NLGN1: variants seen among roughly 807,000 people sequenced by gnomAD.
NLGN1 encodes neuroligin-1.
NLGN1 carries 12 observed loss-of-function variants against 65.5 expected under a neutral mutation model. The ratio of observed to expected loss-of-function variants is 0.18; its 90% CI spans 0.12 to 0.30. The LOEUF is 0.30. Among genes scored for constraint, NLGN1 ranks in the 10% least tolerant of loss-of-function variants. The pLI, the probability that NLGN1 is intolerant of heterozygous loss-of-function variation, is 1.00. For synonymous variants in NLGN1, 350 were observed against 359.5 expected, an observed-to-expected ratio of 0.97 and a Z score of 0.30; for missense variants, 750 against 1,007.1, an observed-to-expected ratio of 0.74 and a Z score of 3.46.
chr3:173,497,682 A>G (rs1200749847), intron 2 of NLGN1, among the ~76,000 whole-genome samples: 1 of 151,834 alleles, frequency 6.6e-6, no homozygotes, highest in African/African-American at 2.4e-5. Flanking sequence ...TTAACTAGTC[A>G]AAACTTCTGA....
chr3:173,545,746 G>A lies in NLGN1; in HGVS notation c.-320-58533G>A, dbSNP rs536174099. Among the ~76,000 whole-genome samples the A allele has an allele frequency of 1.9e-3, 285 of 152,180 alleles. 1 individual carries two copies. The highest frequency in any genetic ancestry group is 2.9e-3 in the Non-Finnish European group (195 of 67,994). The stretch of plus-strand genomic sequence containing the variant: ...AAAGAAAATGTGGCACATATACACC[G>A]TGGAATACTATGCAACCATAAAAAA... On this transcript the variant is annotated intron_variant, in intron 2 of 6. Transcript: ENST00000457714.
At chr3:174,061,694 C>A (rs1358401324) in intron 4 of NLGN1, among the ~76,000 whole-genome samples, 1 of 152,090 alleles carries the variant, frequency 6.6e-6, no homozygotes, top group Non-Finnish European at 1.5e-5. Context: ...ATAAAAATAA[C>A]ATCAAAATAG....
intron 2 of NLGN1, among the ~76,000 whole-genome samples, chr3:173,525,953 G>A (rs775758951): frequency 1.3e-5 from 2 of 151,960 alleles, no homozygotes. Flanking sequence ...TTCCACCATG[G>A]TCCAAGAAAA....
chr3:173,424,420 C>T (rs1338917700), intron 1 of NLGN1, among the ~76,000 whole-genome samples: 2 of 152,298 alleles, frequency 1.3e-5, no homozygotes, highest in Middle Eastern at 3.4e-3. Context: ...CATGGTCAGG[C>T]TGCAAATTTT....
intron 4 of NLGN1, among the ~76,000 whole-genome samples, chr3:173,844,298 T>A (rs1725338594): frequency 6.6e-6 from 1 of 152,142 alleles, no homozygotes; most frequent in African/African-American, 2.4e-5. Flanking sequence ...TCAAGAAGTT[T>A]GGTAGTAGAG....
intron 2 of NLGN1, among the ~76,000 whole-genome samples, chr3:173,547,082 C>T (rs1016516206): frequency 2.0e-5 from 3 of 152,216 alleles, no homozygotes; most frequent in Non-Finnish European, 4.4e-5. Context: ...TCCACTTTGG[C>T]ATACTTGTTA....
intron 1 of NLGN1, among the ~76,000 whole-genome samples, chr3:173,399,127 T>A (rs866169236): frequency 9.2e-5 from 14 of 152,364 alleles, no homozygotes; most frequent in African/African-American, 3.4e-4. Flanking sequence ...TGGCAGAGAA[T>A]GAATCTAAGT....
At chr3:174,186,012 G>A (rs1036283767) in intron 4 of NLGN1, among the ~76,000 whole-genome samples, 1 of 151,852 alleles carries the variant, frequency 6.6e-6, no homozygotes, top group African/African-American at 2.4e-5. Flanking sequence ...ACCACAATAG[G>A]TACCCAATAA....
chr3:173,901,839 G>A (rs894767365), intron 4 of NLGN1, among the ~76,000 whole-genome samples: 6 of 151,972 alleles, frequency 3.9e-5, no homozygotes, highest in South Asian at 2.1e-4. Flanking sequence ...TTGAAAGGAC[G>A]TACTGCAGTT....
At chr3:173,732,281 G>T (rs941227402) in intron 3 of NLGN1, among the ~76,000 whole-genome samples, 2 of 152,092 alleles carry the variant, frequency 1.3e-5, no homozygotes, top group East Asian at 1.9e-4. Flanking sequence ...CTCTGATACA[G>T]TGTGAGGCTT....
intron 4 of NLGN1, among the ~76,000 whole-genome samples, chr3:174,254,306 A>ATTTTTATTT (rs1745271149): frequency 8.8e-6 from 1 of 113,756 alleles, no homozygotes; most frequent in African/African-American, 3.5e-5. Context: ...GTCCTTTTTA[A>ATTTTTATTT]TTTTTTTTTT....
intron 4 of NLGN1, among the ~76,000 whole-genome samples, chr3:174,037,097 A>G (rs1278678248): frequency 5.3e-5 from 8 of 152,090 alleles, no homozygotes; most frequent in Non-Finnish European, 1.5e-5. Flanking sequence ...AATGATTTGT[A>G]TTCCTTTGGG....
At chr3:173,791,418 A>G (rs1712707505) in intron 3 of NLGN1, among the ~76,000 whole-genome samples, 1 of 152,018 alleles carries the variant, frequency 6.6e-6, no homozygotes, top group South Asian at 2.1e-4. Flanking sequence ...AATGATATCC[A>G]CTACTGAGAA....
At chr3:174,114,899 A>G (rs1716052375) in intron 4 of NLGN1, among the ~76,000 whole-genome samples, 1 of 152,126 alleles carries the variant, frequency 6.6e-6, no homozygotes, top group Non-Finnish European at 1.5e-5. Context: ...TTGTCCTACA[A>G]AATAGCAGGT....
rs118079207 is a variant in NLGN1 at position 174,280,978 on chromosome 3, G to T, written c.2147G>T (p.Arg716Leu). Residue 716 changes from arginine (R) to leucine (L), a missense_variant, in exon 7 of 7, where the codon CGC (arginine) becomes CTC (leucine). By Grantham distance (102) the Arg-to-Leu change is moderately radical. Coordinates refer to ENST00000457714, the Ensembl canonical transcript of NLGN1. The surrounding 1 kb of genome is among the most constrained non-coding windows in gnomAD (Gnocchi z 4.9). ...GTTCACAGGAGATGCAGCCCTCAGCGCACTACTACCAATGATCTAACCCAT... is the reference window on the plus strand; with the variant it reads ...GTTCACAGGAGATGCAGCCCTCAGCTCACTACTACCAATGATCTAACCCAT... The T allele has an allele frequency of 6.2e-7, 1 of 1,613,290 alleles. No homozygotes were observed. Among genetic ancestry groups the T allele is most frequent in the Non-Finnish European group, 8.5e-7 (1 of 1,179,576 alleles).
intron 3 of NLGN1, 48 bp downstream of exon 2, chr3:173,605,139 C>A: frequency 6.9e-7 from 1 of 1,448,920 alleles, no homozygotes; most frequent in South Asian, 1.4e-5. Context: ...TATATTTTTT[C>A]TATTCTAAGT....
intron 1 of NLGN1, among the ~76,000 whole-genome samples, chr3:173,427,889 C>A (rs1196480723): frequency 2.1e-5 from 3 of 143,860 alleles, no homozygotes; most frequent in Non-Finnish European, 4.6e-5. Flanking sequence ...AGGACTTGTT[C>A]ATTGCTTAAA....
chr3:174,167,292 A>C (rs1256485891), intron 4 of NLGN1, among the ~76,000 whole-genome samples: 1 of 151,842 alleles, frequency 6.6e-6, no homozygotes, highest in Non-Finnish European at 1.5e-5. Context: ...AGGGTTTACA[A>C]ACTATGTATT....
At chr3:174,143,638 G>A (rs1330327924) in intron 4 of NLGN1, among the ~76,000 whole-genome samples, 3 of 151,900 alleles carry the variant, frequency 2.0e-5, no homozygotes, top group South Asian at 4.2e-4. Flanking sequence ...TTGGTGGGGG[G>A]GTATACAGCA....
Sources: allele counts gnomAD v4.1 joint callset (sites outside exome capture counted in the v4.1 genomes callset), GRCh38; gene constraint gnomAD v4.1.1; non-coding constraint Gnocchi (gnomAD v3.1); transcripts MANE v1.5; gene names NCBI Gene and HGNC (gene_info 2026-07-23, HGNC 2026-07-21).